PRDM2: variants seen among roughly 807,000 people sequenced by gnomAD.
PRDM2 encodes PR/SET domain 2.
In PRDM2, 30 loss-of-function variants were observed where a neutral mutation model predicts 130.0. The ratio of observed to expected loss-of-function variants is 0.23; its 90% CI spans 0.17 to 0.31. The LOEUF is 0.31. Ranked by LOEUF, PRDM2 falls within the 10% of genes least tolerant of loss-of-function variation. The pLI is 1.00. For missense variants in PRDM2, 2,011 were observed against 2,108.4 expected, an observed-to-expected ratio of 0.95 and a Z score of 0.90; for synonymous variants, 871 against 782.4, an observed-to-expected ratio of 1.11 and a Z score of -1.89.
At chr1:13,777,884 C>T (rs1261551338) in intron 7 of PRDM2, among the ~76,000 whole-genome samples, 2 of 151,854 alleles carry the variant, frequency 1.3e-5, no homozygotes, top group Non-Finnish European at 2.9e-5. Context: ...TTACATGATT[C>T]TGGAAAATGT....
At position 13,779,196 on chromosome 1, in the gene PRDM2, A is replaced by G. The variant is rs1310826449; in HGVS notation, c.1401A>G (p.Thr467=). The change falls in exon 8 of 10, where the codon ACA becomes ACG. Residue 467 remains threonine (T), a synonymous_variant. Coordinates refer to ENST00000311066, the MANE Select transcript of PRDM2 (RefSeq NM_001393986.1). This position sits in a 1 kb window ranked among gnomAD's most constrained non-coding sequence, Gnocchi z 4.9. The part of the protein sequence containing the change: ...IMNSEKASQD[T]INSSVVEENG... ...ATTCAGAGAAGGCTTCCCAAGACAC[A>G]ATAAATTCTTCTGTCGTAGAAGAGA... 1 of 1,614,236 alleles carries G rather than the reference A, an allele frequency of 6.2e-7. No homozygotes were observed. The highest frequency in any genetic ancestry group is 8.5e-7 in the Non-Finnish European group (1 of 1,180,040).
intron 8 of PRDM2, among the ~76,000 whole-genome samples, chr1:13,811,975 C>T (rs1472288040): frequency 6.6e-5 from 10 of 152,162 alleles, no homozygotes; most frequent in African/African-American, 2.4e-4. Context: ...GACAAGTGCA[C>T]AGGGTGAACA....
intron 4 of PRDM2, among the ~76,000 whole-genome samples, chr1:13,741,474 C>A (rs920811768): frequency 2.0e-5 from 3 of 152,190 alleles, no homozygotes; most frequent in African/African-American, 7.2e-5. Context: ...TGCGTGTTCA[C>A]TCCTGAAGTC....
chr1:13,782,871 C>G, intron 8 of PRDM2, 40 bp downstream of exon 8: 1 of 1,600,166 alleles, frequency 6.2e-7, no homozygotes, highest in Non-Finnish European at 8.5e-7. Context: ...ACCGGGAAGG[C>G]GACAGTATCC....
intron 1 of PRDM2, among the ~76,000 whole-genome samples, chr1:13,713,406 C>T (rs192290242): frequency 6.6e-6 from 1 of 152,106 alleles, no homozygotes; most frequent in East Asian, 1.9e-4. Flanking sequence ...ATCTTAAGCT[C>T]TTGTTAATTG....
intron 8 of PRDM2, 39 bp from the exon 9 acceptor site, chr1:13,816,388 G>A: frequency 6.2e-7 from 1 of 1,611,844 alleles, no homozygotes; most frequent in Non-Finnish European, 8.5e-7. Flanking sequence ...ACCGGGCTGG[G>A]CTCCTGTGAC....
chr1:13,779,012 G>A lies in PRDM2; in HGVS notation c.1217G>A (p.Arg406Gln), dbSNP rs1557646262. 1.9e-6 allele frequency: 3 copies of A among 1,614,146 alleles called. No homozygotes were observed. The highest frequency in any genetic ancestry group is 1.7e-5 in the Admixed American group (1 of 60,020). The change falls in exon 8 of 10, where the codon CGG (arginine) becomes CAG (glutamine). Residue 406 changes from arginine (R) to glutamine (Q), a missense_variant. Physicochemically the swap from Arg to Gln is conservative, Grantham distance 43 (BLOSUM62 1). Transcript: ENST00000311066. This position sits in a 1 kb window ranked among gnomAD's most constrained non-coding sequence, Gnocchi z 4.9. ...GCCTTTGGCACACAGATTAACCGGCGGCGACATGAGCGGCGCCATGAAGCA... is the reference window on the plus strand; with the variant it reads ...GCCTTTGGCACACAGATTAACCGGCAGCGACATGAGCGGCGCCATGAAGCA... The part of the protein sequence containing the change: ...GKAFGTQINR[R>Q]RHERRHEAGL...
At chr1:13,708,255 A>G (rs555079737) in intron 1 of PRDM2, among the ~76,000 whole-genome samples, 3 of 152,152 alleles carry the variant, frequency 2.0e-5, no homozygotes, top group Middle Eastern at 6.8e-3. Context: ...CACAATCTAA[A>G]TGCGGATTTA....
Position 13,782,263 on chromosome 1 carries a change from G to T in PRDM2, c.4468G>T (p.Val1490Phe). ...KKPLSPPKKK[V>F]SHSSKKGGHS... Reference sequence around the variant, plus strand: ...ACCCCTTTCTCCTCCCAAAAAAAAAGTTTCTCATTCATCTAAGAAAGGTGG... The same window carrying T: ...ACCCCTTTCTCCTCCCAAAAAAAAATTTTCTCATTCATCTAAGAAAGGTGG... Residue 1490 changes from valine (V) to phenylalanine (F), a missense_variant, in exon 8 of 10, where the codon GTT (valine) becomes TTT (phenylalanine). Transcript: ENST00000311066. The T allele has an allele frequency of 6.2e-7, 1 of 1,613,490 alleles. No homozygotes were observed.
chr1:13,734,017 G>A (rs1369154303), intron 4 of PRDM2, among the ~76,000 whole-genome samples: 1 of 152,172 alleles, frequency 6.6e-6, no homozygotes, highest in East Asian at 1.9e-4. Context: ...TATGCTCTAA[G>A]CTGTTTCCCA....
chr1:13,710,115 C>T (rs551359483), intron 1 of PRDM2, among the ~76,000 whole-genome samples: 9 of 152,214 alleles, frequency 5.9e-5, no homozygotes, highest in South Asian at 2.1e-4. Flanking sequence ...TTTACAAGTC[C>T]GTAAAGGGCA....
chr1:13,702,401 T>C (rs1056750745), intron 1 of PRDM2, among the ~76,000 whole-genome samples: 7 of 152,180 alleles, frequency 4.6e-5, no homozygotes, highest in Non-Finnish European at 7.4e-5. Flanking sequence ...TTAAGATTTG[T>C]TTGAAAGTTT....
At chr1:13,816,309 G>A (rs1645256148) in intron 8 of PRDM2, 118 bp from the exon 9 acceptor site, 4 of 1,316,934 alleles carry the variant, frequency 3.0e-6, no homozygotes, top group South Asian at 2.7e-5. Context: ...TGTCCAGGAA[G>A]TGCAATCCTA....
intron 8 of PRDM2, among the ~76,000 whole-genome samples, chr1:13,786,157 T>C (rs1025688297): frequency 6.6e-6 from 1 of 152,120 alleles, no homozygotes; most frequent in Non-Finnish European, 1.5e-5. Context: ...TCTTTAATGC[T>C]TCTTTTAGAG....
chr1:13,772,160 G>A (rs918863300), intron 6 of PRDM2: 2 of 152,060 alleles, frequency 1.3e-5, no homozygotes, highest in Non-Finnish European at 2.9e-5. Context: ...GGAAGAATGG[G>A]GATCTGTCTG....
At chr1:13,769,891 A>T (rs949738031) in intron 6 of PRDM2, among the ~76,000 whole-genome samples, 2 of 152,196 alleles carry the variant, frequency 1.3e-5, no homozygotes, top group Admixed American at 1.3e-4. Flanking sequence ...CCCAGGGGAC[A>T]TCTGGCCATG....
rs1439333108 is a variant in PRDM2 at position 13,785,849 on chromosome 1, T to G, written c.5036+3018T>G. On this transcript the variant is annotated intron_variant, in intron 8 of 9. Transcript: ENST00000311066. ...TTTTTGGGTTCTTTTTTTTTTTTTT[T>G]TTTTAATGAGACAGAGTCTCGCTCC... Among the ~76,000 whole-genome samples the G allele has an allele frequency of 6.7e-4, 100 of 149,772 alleles. 1 individual carries two copies. The highest frequency in any genetic ancestry group is 2.0e-3 in the African/African-American group (82 of 40,690).
chr1:13,759,355 A>G lies in PRDM2; in HGVS notation c.511+9868A>G, dbSNP rs543051180. On this transcript the variant is annotated intron_variant, in intron 6 of 9. Transcript: ENST00000311066. ...ATTATGTGCAATGTTTGAAGTTGCA[A>G]TGCCGTTTAGAATGGGCAACAATGC... 1.7e-4 allele frequency among the ~76,000 whole-genome samples: 26 copies of G among 152,278 alleles called. 1 individual carries two copies. Among genetic ancestry groups the G allele is most frequent in the African/African-American group, 4.8e-4 (20 of 41,558 alleles).
At chr1:13,754,123 G>A (rs1472551739) in intron 6 of PRDM2, among the ~76,000 whole-genome samples, 1 of 152,142 alleles carries the variant, frequency 6.6e-6, no homozygotes, top group Non-Finnish European at 1.5e-5. Context: ...AGTTCTAGGG[G>A]CTGAGGTCTC....
Sources: allele counts gnomAD v4.1 joint callset (sites outside exome capture counted in the v4.1 genomes callset), GRCh38; gene constraint gnomAD v4.1.1; non-coding constraint Gnocchi (gnomAD v3.1); transcripts MANE v1.5; gene names NCBI Gene and HGNC (gene_info 2026-07-23, HGNC 2026-07-21).